The following SCN11A variants were observed in gnomAD, a reference collection of about 807,000 sequenced individuals.
SCN11A encodes the protein sodium voltage-gated channel alpha subunit 11.
In SCN11A, 122 loss-of-function variants were observed where a neutral mutation model predicts 162.2. That is an observed-to-expected ratio of 0.75 (90% CI 0.65 to 0.87). The LOEUF is 0.87. Among genes scored for constraint, SCN11A ranks in the 40% least tolerant of loss-of-function variants. SCN11A has a pLI of 0.00. For synonymous variants in SCN11A, 758 were observed against 751.5 expected (o/e 1.01, Z -0.14); for missense variants, 2,015 against 2,181.6 (o/e 0.92, Z 1.52).
chr3:38,963,493 G>GAT (rs1220880135), intron 2 of SCN11A, among the ~76,000 whole-genome samples: 204 of 140,874 alleles, frequency 1.4e-3, no homozygotes, highest in Middle Eastern at 3.7e-3. Flanking sequence ...ATATGATGGA[G>GAT]ATATATATAT....
chr3:38,879,907 C>T (rs752242159), intron 23 of SCN11A, 43 bp downstream of exon 23: 41 of 1,555,762 alleles, frequency 2.6e-5, no homozygotes, highest in Non-Finnish European at 2.1e-5. Context: ...CCTGCCTTAA[C>T]CACTACCCCA....
chr3:38,951,164 G>A (rs1378851812), intron 4 of SCN11A, among the ~76,000 whole-genome samples: 2 of 152,360 alleles, frequency 1.3e-5, no homozygotes, highest in African/African-American at 4.8e-5. Context: ...AGAGGCGCGA[G>A]CGGGAACCGG....
intron 19 of SCN11A, among the ~76,000 whole-genome samples, chr3:38,888,085 T>C (rs1238815286): frequency 6.6e-6 from 1 of 152,206 alleles, no homozygotes; most frequent in Non-Finnish European, 1.5e-5. Context: ...CAGAGCTATA[T>C]TTAAGGCTTG....
chr3:38,917,694 C>G (rs2065981379), intron 11 of SCN11A, among the ~76,000 whole-genome samples: 1 of 152,022 alleles, frequency 6.6e-6, no homozygotes, highest in Admixed American at 6.6e-5. Flanking sequence ...GGAAGAGAAT[C>G]AGGAAAAATA....
chr3:39,004,634 T>C (rs1389056557), intron 2 of SCN11A, among the ~76,000 whole-genome samples: 2 of 152,236 alleles, frequency 1.3e-5, no homozygotes, highest in Non-Finnish European at 2.9e-5. Flanking sequence ...TTTAATGATA[T>C]TGACTCTTCT....
At position 38,921,248 on chromosome 3, in the gene SCN11A, C is replaced by G. The variant is rs371755913; in HGVS notation, c.720G>C (p.Lys240Asn). ...LKAISVVSRL[K>N]VIVGALLRSV... ...AGCGTAGCAAGGCCCCCACGATGAC[C>G]TTCAGACCTGAGAAAGAGGACAGGC... Residue 240 changes from lysine (K) to asparagine (N), a missense_variant, in exon 10 of 30, where the codon AAG (lysine) becomes AAC (asparagine). Physicochemically the swap from Lys to Asn is moderately conservative, Grantham distance 94. Transcript: ENST00000302328. The G allele has an allele frequency of 3.1e-6, 5 of 1,613,744 alleles. No individual in the cohort carries two copies. Among genetic ancestry groups the G allele is most frequent in the South Asian group, 1.1e-5 (1 of 91,022 alleles).
chr3:38,948,382 T>A (rs2066550019), intron 5 of SCN11A, among the ~76,000 whole-genome samples: 1 of 152,106 alleles, frequency 6.6e-6, no homozygotes, highest in African/African-American at 2.4e-5. Context: ...CATGCCAGGG[T>A]TTTAATGATT....
intron 16 of SCN11A, among the ~76,000 whole-genome samples, chr3:38,902,180 G>A (rs2065712001): frequency 6.6e-6 from 1 of 152,170 alleles, no homozygotes; most frequent in Non-Finnish European, 1.5e-5. Context: ...TGCTGACCAT[G>A]CCCCTATAGA....
At chr3:39,002,016 G>A (rs978338907) in intron 2 of SCN11A, among the ~76,000 whole-genome samples, 9 of 151,386 alleles carry the variant, frequency 5.9e-5, no homozygotes, top group African/African-American at 9.7e-5. Context: ...CAGCCTGGGC[G>A]ACAGAGTGAG....
intron 23 of SCN11A, among the ~76,000 whole-genome samples, chr3:38,874,351 A>G (rs2065175746): frequency 6.6e-6 from 1 of 152,184 alleles, no homozygotes; most frequent in Non-Finnish European, 1.5e-5. Flanking sequence ...TAATCCCAGC[A>G]CTTTGGGAGG....
intron 10 of SCN11A, 90 bp from the exon 11 acceptor site, chr3:38,920,091 G>T: frequency 9.9e-7 from 1 of 1,005,756 alleles, no homozygotes. Flanking sequence ...CTTGAAAATG[G>T]ATGTTTCTAC....
intron 14 of SCN11A, among the ~76,000 whole-genome samples, chr3:38,907,300 A>T (rs2065807553): frequency 8.5e-6 from 1 of 117,894 alleles, no homozygotes; most frequent in Non-Finnish European, 1.8e-5. Flanking sequence ...GTATATATAT[A>T]CCAACATATA....
In SCN11A at chr3:38,956,405, A is replaced by G. The variant is rs541155110; in HGVS notation, c.-138-2646T>C. ...CAAATGTTAAAAGAAAGGTAATGAGAAATTCCATCAAAATAAGACGTACTT... is the reference window on the plus strand; with the variant it reads ...CAAATGTTAAAAGAAAGGTAATGAGGAATTCCATCAAAATAAGACGTACTT... On this transcript the variant is annotated intron_variant, in intron 3 of 29. Transcript: ENST00000302328. Among the ~76,000 whole-genome samples, 8 of 152,338 alleles carry G rather than the reference A, an allele frequency of 5.3e-5. No homozygotes were observed. In the East Asian group the frequency reaches 1.5e-3, roughly 29 times the overall value.
intron 1 of SCN11A, among the ~76,000 whole-genome samples, chr3:39,046,231 GC>G (rs1206588322): frequency 6.7e-6 from 1 of 149,780 alleles, no homozygotes; most frequent in East Asian, 2.0e-4. Context: ...CTGCACTCCA[GC>G]CTGGGCAACA....
At chr3:38,856,597 G>A (rs180794179) in intron 28 of SCN11A, among the ~76,000 whole-genome samples, 5 of 152,164 alleles carry the variant, frequency 3.3e-5, no homozygotes, top group Non-Finnish European at 7.4e-5. Flanking sequence ...TGGGACCTCA[G>A]CCCACTGTTG....
chr3:38,991,108 G>A (rs1405411094), intron 2 of SCN11A, among the ~76,000 whole-genome samples: 2 of 152,122 alleles, frequency 1.3e-5, no homozygotes, highest in Admixed American at 6.6e-5. Context: ...AGAAATGGAT[G>A]GGAGTGAAGT....
Position 39,051,868 on chromosome 3 carries a change from C to A in SCN11A, c.-411G>T. ...GTTTTTAGGTGCATCTACCTCATCA[C>A]ATGGCTACCGGCCACACAGCAACTA... is the stretch of plus-strand genomic sequence containing the variant. On this transcript the variant is annotated 5_prime_UTR_variant, in exon 1 of 30. An upstream start codon of the reference 5' UTR is lost. Coordinates refer to ENST00000302328, the MANE Select transcript of SCN11A (RefSeq NM_001349253.2). 1 of 830,036 alleles carries A rather than the reference C, an allele frequency of 1.2e-6. No homozygotes were observed. Among genetic ancestry groups the A allele is most frequent in the South Asian group, 1.6e-5 (1 of 61,560 alleles). The allele number at this position is 830,036 out of a possible 1,614,324, so 51.4% of individuals were successfully genotyped here. A position where few individuals can be genotyped will look rare whatever the true frequency, so the allele number is the denominator to read the frequency against.
chr3:38,883,359 G>A lies in SCN11A; in HGVS notation c.3093C>T (p.Ser1031=), dbSNP rs759849645. Residue 1031 remains serine, a synonymous_variant, in exon 22 of 30, where the codon AGC becomes AGT. Coordinates refer to ENST00000302328, the MANE Select transcript of SCN11A (RefSeq NM_001349253.2). ...KGFGCCFPCC[S]VDKRKPPWVI... ...CCCAGGGAGGCTTTCTCTTGTCCAC[G>A]CTACAGCATGGAAAGCAGCAACCAA... is the stretch of plus-strand genomic sequence containing the variant. 1.7e-5 allele frequency: 27 copies of A among 1,613,712 alleles called. No homozygotes were observed. In the Admixed American group the frequency reaches 2.5e-4, roughly 15 times the overall value.
At chr3:39,018,013 G>C (rs1252504284) in intron 2 of SCN11A, among the ~76,000 whole-genome samples, 1 of 152,096 alleles carries the variant, frequency 6.6e-6, no homozygotes, top group East Asian at 1.9e-4. Flanking sequence ...TTGTTTCTTT[G>C]TGGTCTTACT....
Sources: allele counts gnomAD v4.1 joint callset (sites outside exome capture counted in the v4.1 genomes callset), GRCh38; gene constraint gnomAD v4.1.1; transcripts MANE v1.5; gene names NCBI Gene and HGNC (gene_info 2026-07-23, HGNC 2026-07-21).